The following ENPP2 variants were observed in gnomAD, a reference collection of about 807,000 sequenced individuals.
ENPP2 encodes autotaxin.
Under a neutral mutation model 120.2 loss-of-function variants are expected in ENPP2, and 51 were observed. The ratio of observed to expected loss-of-function variants is 0.42; its 90% CI spans 0.34 to 0.54. The LOEUF (loss-of-function observed/expected upper bound fraction) is 0.54. Among genes scored for constraint, ENPP2 ranks in the 20% least tolerant of loss-of-function variants. The pLI is 0.04. For synonymous variants in ENPP2, 365 were observed against 366.4 expected, an observed-to-expected ratio of 1.00 and a Z score of 0.04; for missense variants, 920 against 1,066.5, an observed-to-expected ratio of 0.86 and a Z score of 1.91.
intron 9 of ENPP2, 131 bp from the exon 10 acceptor site, chr8:119,601,593 G>A (rs1814314770): frequency 1.5e-6 from 1 of 653,054 alleles, no homozygotes; most frequent in Non-Finnish European, 2.8e-6. Flanking sequence ...TTCATTTGTA[G>A]TAAAAGGCCC....
Position 119,557,642 on chromosome 8 carries a change from G to A in ENPP2, c.2471C>T (p.Thr824Ile). The change falls in exon 25 of 25, where the codon ACA becomes ATA. Residue 824 changes from threonine to isoleucine, a missense_variant. Coordinates refer to ENST00000075322, the MANE Select transcript of ENPP2 (RefSeq NM_001040092.3). ...ATGTTCAATGTCACGCACCCTAGCT[G>A]TGTGCATCTTCATGAGTTCTTCTAC... ...KWVEELMKMH[T>I]ARVRDIEHLT... The A allele has an allele frequency of 6.2e-7, 1 of 1,602,544 alleles. No individual in the cohort carries two copies. Among genetic ancestry groups the A allele is most frequent in the Non-Finnish European group, 8.5e-7 (1 of 1,176,896 alleles).
chr8:119,628,023 A>C (rs1816406130), intron 2 of ENPP2, among the ~76,000 whole-genome samples: 1 of 151,544 alleles, frequency 6.6e-6, no homozygotes, highest in Admixed American at 6.6e-5. Flanking sequence ...ATGAAACTTG[A>C]AAAAATTTTA....
At chr8:119,645,368 C>T (rs1238450640) in intron 1 of ENPP2, among the ~76,000 whole-genome samples, 1 of 152,170 alleles carries the variant, frequency 6.6e-6, no homozygotes, top group Non-Finnish European at 1.5e-5. Context: ...CATTTCAATC[C>T]TTTCCTCTCT....
At chr8:119,605,461 TGTGTA>T (rs1814647319) in intron 9 of ENPP2, among the ~76,000 whole-genome samples, 3 of 150,218 alleles carry the variant, frequency 2.0e-5, no homozygotes, top group African/African-American at 7.4e-5. Flanking sequence ...TGTGTGTGTG[TGTGTA>T]TTTTTTTTTT....
At chr8:119,613,762 TTG>T (rs796217701) in intron 8 of ENPP2, among the ~76,000 whole-genome samples, 103 of 152,276 alleles carry the variant, frequency 6.8e-4, no homozygotes, top group African/African-American at 2.4e-3. Flanking sequence ...CATATAATAA[TTG>T]TGCATATTTA....
At chr8:119,596,109 T>A in intron 11 of ENPP2, 2 of 994,472 alleles carry the variant, frequency 2.0e-6, no homozygotes, top group Non-Finnish European at 2.9e-6. Flanking sequence ...TCAGAATAAC[T>A]AAGGCTCCTT....
chr8:119,560,891 T>C lies in ENPP2; in HGVS notation c.2421+1966A>G, dbSNP rs186738229. ...TAACAAAAAGGCAGGGGAGAGATCA[T>C]ATATATATATATTTGCCTCATACTG... On this transcript the variant is annotated intron_variant, in intron 24 of 24. Transcript: ENST00000075322. Among the ~76,000 whole-genome samples the C allele has an allele frequency of 3.8e-3, 580 of 151,736 alleles. 2 individuals carry two copies. The highest frequency in any genetic ancestry group is 0.014 in the African/African-American group (561 of 41,392).
intron 9 of ENPP2, among the ~76,000 whole-genome samples, chr8:119,602,593 C>T (rs1034967604): frequency 6.6e-6 from 1 of 152,158 alleles, no homozygotes. Flanking sequence ...CTGGCACTAG[C>T]TTTAAGGGCT....
At chr8:119,569,452 T>C in intron 20 of ENPP2, 82 bp from the exon 21 acceptor site, 1 of 1,359,094 alleles carries the variant, frequency 7.4e-7, no homozygotes, top group Non-Finnish European at 1.0e-6. Context: ...GCTTCTCCTA[T>C]GCTTGTATTC....
chr8:119,567,012 C>G (rs903620764), intron 22 of ENPP2, among the ~76,000 whole-genome samples: 6 of 152,286 alleles, frequency 3.9e-5, no homozygotes, highest in South Asian at 2.1e-4. Context: ...CAATGTTAAG[C>G]TGCGGAGGCC....
At chr8:119,668,253 T>A (rs1440681971) in intron 1 of ENPP2, among the ~76,000 whole-genome samples, 2 of 152,168 alleles carry the variant, frequency 1.3e-5, no homozygotes, top group Non-Finnish European at 2.9e-5. Flanking sequence ...GCAGAGTGGT[T>A]GCCACATATT....
At chr8:119,668,108 C>T (rs560055223) in intron 1 of ENPP2, among the ~76,000 whole-genome samples, 21 of 152,266 alleles carry the variant, frequency 1.4e-4, no homozygotes, top group African/African-American at 3.9e-4. Flanking sequence ...GGTGGTTTCA[C>T]GAGGACCTAA....
At chr8:119,573,408 T>TAAAAAAAAAAAAAAAA (rs35227070) in intron 19 of ENPP2, among the ~76,000 whole-genome samples, 14 of 124,384 alleles carry the variant, frequency 1.1e-4, no homozygotes, top group South Asian at 5.6e-4. Context: ...CTCCGTCTCT[T>TAAAAAAAAAAAAAAAA]AAAAAAAAAA....
At chr8:119,597,217 T>C (rs538085539) in intron 11 of ENPP2, among the ~76,000 whole-genome samples, 3 of 152,300 alleles carry the variant, frequency 2.0e-5, no homozygotes, top group African/African-American at 7.2e-5. Flanking sequence ...TGTTTTTTAA[T>C]GCTCCTAGTT....
intron 20 of ENPP2, among the ~76,000 whole-genome samples, chr8:119,569,987 G>C (rs1436369711): frequency 1.3e-5 from 2 of 151,930 alleles, no homozygotes; most frequent in African/African-American, 4.8e-5. Context: ...AAAACAACAG[G>C]GCCAGGCGTG....
rs368632800 is a variant in ENPP2 at position 119,559,364 on chromosome 8, T to C, written c.2422-1673A>G. On this transcript the variant is annotated intron_variant, in intron 24 of 24. Transcript: ENST00000075322. Reference sequence around the variant, plus strand: ...TCTTTGTAAATGCAGTCATTTTGAATGTGTGGACAGGGGTGAAAAGGTTTT... The same window carrying C: ...TCTTTGTAAATGCAGTCATTTTGAACGTGTGGACAGGGGTGAAAAGGTTTT... 3.3e-5 allele frequency among the ~76,000 whole-genome samples: 5 copies of C among 152,344 alleles called. No individual in the cohort carries two copies. The East Asian group carries it at 7.7e-4, about 24-fold the overall frequency.
At chr8:119,669,049 T>C (rs1818163785) in intron 1 of ENPP2, among the ~76,000 whole-genome samples, 1 of 152,258 alleles carries the variant, frequency 6.6e-6, no homozygotes, top group African/African-American at 2.4e-5. Context: ...AACTTATTGA[T>C]AACTTTTGGA....
chr8:119,598,258 A>C (rs960625978), intron 11 of ENPP2, among the ~76,000 whole-genome samples: 1 of 152,212 alleles, frequency 6.6e-6, no homozygotes, highest in African/African-American at 2.4e-5. Context: ...TTATGAGAAG[A>C]AAATGACCAG....
chr8:119,619,276 A>G lies in ENPP2; in HGVS notation c.447T>C (p.Cys149=), dbSNP rs1160424230. 1.2e-6 allele frequency: 2 copies of G among 1,612,750 alleles called. No individual in the cohort carries two copies. The highest frequency in any genetic ancestry group is 2.7e-5 in the African/African-American group (2 of 74,882). Residue 149 remains cysteine, a synonymous_variant, in exon 5 of 25, where the codon TGT becomes TGC. Coordinates refer to ENST00000075322, the MANE Select transcript of ENPP2 (RefSeq NM_001040092.3). ...KGESHWVDDD[C]EEIKAAECPA... Reference sequence around the variant, plus strand: ...GGCATTCTGCGGCCTTTATTTCCTCACAGTCATCATCAACCCAATGCGACT... The same window carrying G: ...GGCATTCTGCGGCCTTTATTTCCTCGCAGTCATCATCAACCCAATGCGACT...
Sources: gnomAD v4.1 joint callset for allele counts (sites outside exome capture counted in the v4.1 genomes callset) on GRCh38, gnomAD v4.1.1 for gene constraint, MANE v1.5 for transcripts, NCBI Gene and HGNC (gene_info 2026-07-23, HGNC 2026-07-21) for gene names.